The following SLC35F4 variants were observed in gnomAD, a reference collection of about 807,000 sequenced individuals.
The protein encoded by SLC35F4 is chromosome 14 open reading frame 36.
A neutral mutation model predicts 44.2 loss-of-function variants in SLC35F4; 24 were observed. The observed-to-expected ratio is 0.54, with a 90% CI of 0.39 to 0.76. The LOEUF (loss-of-function observed/expected upper bound fraction) is 0.76. SLC35F4 is among the 30% of genes least tolerant of loss of function. SLC35F4 has a pLI of 0.00. For synonymous variants in SLC35F4, 238 were observed against 223.6 expected (o/e 1.06, Z -0.57); for missense variants, 562 against 586.1 (o/e 0.96, Z 0.42).
At chr14:57,789,525 G>A (rs2208418) in intron 1 of SLC35F4, among the ~76,000 whole-genome samples, 10,803 of 152,070 alleles carry the variant, frequency 0.071, 674 homozygotes, top group East Asian at 0.19. Flanking sequence ...ACCAAAAAAA[G>A]CCCCGGACCA....
downstream of SLC35F4, among the ~76,000 whole-genome samples, chr14:57,973,247 T>C (rs751703276): frequency 6.6e-6 from 1 of 152,170 alleles, no homozygotes; most frequent in Non-Finnish European, 1.5e-5. Context: ...AGTTTCTTTG[T>C]GGGTAATTAT....
intron 3 of SLC35F4, among the ~76,000 whole-genome samples, chr14:57,588,871 C>G (rs890211150): frequency 2.6e-5 from 4 of 152,104 alleles, no homozygotes; most frequent in Admixed American, 6.5e-5. Context: ...AGATTTAAAT[C>G]TTGGTTCTAT....
At chr14:57,955,165 C>T (rs995398159) in intron 1 of SLC35F4, among the ~76,000 whole-genome samples, 1 of 152,056 alleles carries the variant, frequency 6.6e-6, no homozygotes, top group Non-Finnish European at 1.5e-5. Flanking sequence ...CATAATCCAT[C>T]ACATAAACAG....
In SLC35F4 at chr14:57,784,009, C is replaced by T. The variant is rs1458843352; in HGVS notation, c.103+81714G>A. ...AAACAATAAATTCCTGCTGAAAAAA[C>T]TGTCTGATGTTTTGTATGACTTCAC... On this transcript the variant is annotated intron_variant, in intron 1 of 7. Coordinates refer to ENST00000556826, the MANE Select transcript of SLC35F4 (RefSeq NM_001306087.2). Among the ~76,000 whole-genome samples, 3 of 152,172 alleles carry T rather than the reference C, an allele frequency of 2.0e-5. No homozygotes were observed. In the East Asian group the frequency reaches 5.8e-4, roughly 29 times the overall value.
chr14:57,709,236 G>T (rs778695373), intron 1 of SLC35F4, among the ~76,000 whole-genome samples: 1 of 152,012 alleles, frequency 6.6e-6, no homozygotes, highest in Admixed American at 6.5e-5. Context: ...TGATGCTACC[G>T]CTAGACCATG....
chr14:57,674,646 C>A (rs1190673689), intron 1 of SLC35F4, among the ~76,000 whole-genome samples: 1 of 152,054 alleles, frequency 6.6e-6, no homozygotes, highest in African/African-American at 2.4e-5. Context: ...GAGATTTTAC[C>A]CTACTTTCAA....
chr14:57,865,979 T>G lies in SLC35F4; in HGVS notation c.-154A>C, dbSNP rs748308510. ...CTCCACCGCCCGGCGCAGCACCGGC[T>G]CCGCATCACAGCGGCGGCGGCGGCG... On this transcript the variant is annotated 5_prime_UTR_variant, in exon 1 of 8. Transcript: ENST00000556826. 12 of 420,186 alleles carry G rather than the reference T, an allele frequency of 2.9e-5. No individual in the cohort carries two copies. The highest frequency in any genetic ancestry group is 5.4e-5 in the South Asian group (1 of 18,648). 26.0% of individuals were successfully genotyped at this position (420,186 alleles called of 1,614,324 possible). A position where few individuals can be genotyped will look rare whatever the true frequency, so the allele number is the denominator to read the frequency against.
chr14:57,605,733 TAA>T (rs879552396), intron 1 of SLC35F4, among the ~76,000 whole-genome samples: 1 of 144,136 alleles, frequency 6.9e-6, no homozygotes. Flanking sequence ...GGGTTGGATT[TAA>T]AAAAAAAAAA....
intron 1 of SLC35F4, among the ~76,000 whole-genome samples, chr14:57,729,268 T>C (rs2076288588): frequency 6.6e-6 from 1 of 152,182 alleles, no homozygotes; most frequent in South Asian, 2.1e-4. Context: ...CAAGACAAAG[T>C]CCACTTTACT....
At chr14:57,629,832 G>C in intron 1 of SLC35F4, 1 of 333,014 alleles carries the variant, frequency 3.0e-6, no homozygotes, top group South Asian at 2.5e-5. Flanking sequence ...GGGAGTGGAG[G>C]ATCGGCAGCC....
At chr14:57,787,508 C>G (rs983625298) in intron 1 of SLC35F4, among the ~76,000 whole-genome samples, 1 of 152,124 alleles carries the variant, frequency 6.6e-6, no homozygotes, top group Non-Finnish European at 1.5e-5. Flanking sequence ...AGCTGTGAGA[C>G]AGAAGCACCA....
At chr14:57,638,486 T>A (rs936936722) in intron 1 of SLC35F4, among the ~76,000 whole-genome samples, 10 of 152,122 alleles carry the variant, frequency 6.6e-5, no homozygotes, top group Admixed American at 2.0e-4. Flanking sequence ...ATACATAAAT[T>A]TAGCCAATCC....
rs1175669196 is a variant in SLC35F4, at chr14:57,865,967, C to T, written c.-142G>A. On this transcript the variant is annotated 5_prime_UTR_variant, in exon 1 of 8. Transcript: ENST00000556826. Reference sequence around the variant, plus strand: ...CCCGGGCTCTGACTCCACCGCCCGGCGCAGCACCGGCTCCGCATCACAGCG... The same window carrying T: ...CCCGGGCTCTGACTCCACCGCCCGGTGCAGCACCGGCTCCGCATCACAGCG... The T allele has an allele frequency of 4.3e-5, 20 of 459,812 alleles. No individual in the cohort carries two copies. The East Asian group carries it at 8.0e-4, about 18-fold the overall frequency. The allele number at this position is 459,812 out of a possible 1,614,324, so 28.5% of individuals were successfully genotyped here.
intron 1 of SLC35F4, among the ~76,000 whole-genome samples, chr14:57,681,543 A>G (rs2074904183): frequency 6.6e-6 from 1 of 152,188 alleles, no homozygotes; most frequent in African/African-American, 2.4e-5. Flanking sequence ...CTAAAACCAT[A>G]AAAACTCTAG....
intron 1 of SLC35F4, among the ~76,000 whole-genome samples, chr14:57,776,579 T>C (rs2077493037): frequency 6.9e-6 from 1 of 145,012 alleles, no homozygotes. Context: ...GGTCAGAGAA[T>C]CGCTTGAACC....
At chr14:57,641,229 C>T (rs150673827) in intron 1 of SLC35F4, among the ~76,000 whole-genome samples, 90 of 152,038 alleles carry the variant, frequency 5.9e-4, no homozygotes, top group African/African-American at 1.9e-3. Context: ...ATCATAAACA[C>T]GCTAACTTTA....
chr14:57,801,030 T>C (rs56724988), intron 1 of SLC35F4, among the ~76,000 whole-genome samples: 1,979 of 152,174 alleles, frequency 0.013, 56 homozygotes, highest in African/African-American at 0.046. Flanking sequence ...CCCAGTAAGA[T>C]ACTCCATGAG....
intron 1 of SLC35F4, among the ~76,000 whole-genome samples, chr14:57,632,685 C>T (rs1334354406): frequency 2.6e-5 from 4 of 152,016 alleles, no homozygotes; most frequent in Non-Finnish European, 4.4e-5. Flanking sequence ...TTAGGGTTCA[C>T]TCTTGGTGTC....
intron 1 of SLC35F4, among the ~76,000 whole-genome samples, chr14:57,691,972 T>G (rs556525633): frequency 1.3e-5 from 2 of 152,142 alleles, no homozygotes; most frequent in Admixed American, 6.6e-5. Flanking sequence ...ATAGTGTGTG[T>G]CCAGGAAGCT....
Sources: allele counts gnomAD v4.1 joint callset (sites outside exome capture counted in the v4.1 genomes callset), GRCh38; gene constraint gnomAD v4.1.1; transcripts MANE v1.5; gene names NCBI Gene and HGNC (gene_info 2026-07-23, HGNC 2026-07-21).